The following MOB3B variants were observed in gnomAD, a reference collection of about 807,000 sequenced individuals.
The protein encoded by MOB3B is MOB kinase activator-like 2B.
Under a neutral mutation model 18.7 loss-of-function variants are expected in MOB3B, and 7 were observed. The ratio of observed to expected loss-of-function variants is 0.37; its 90% CI spans 0.21 to 0.70. The LOEUF is 0.70. Ranked by LOEUF, MOB3B falls within the 30% of genes least tolerant of loss-of-function variation. The pLI, the probability that MOB3B is intolerant of heterozygous loss-of-function variation, is 0.52. For missense variants in MOB3B, 253 were observed against 281.3 expected, an observed-to-expected ratio of 0.90 and a Z score of 0.72; for synonymous variants, 111 against 99.9, an observed-to-expected ratio of 1.11 and a Z score of -0.66.
intron 1 of MOB3B, among the ~76,000 whole-genome samples, chr9:27,489,536 GC>G (rs1819782119): frequency 2.0e-5 from 3 of 152,248 alleles, no homozygotes. Flanking sequence ...AGAGAGAAAG[GC>G]TATGTTGCTG....
chr9:27,460,650 C>G (rs1001966133), intron 1 of MOB3B, among the ~76,000 whole-genome samples: 1 of 152,086 alleles, frequency 6.6e-6, no homozygotes. Context: ...GAAGCTGATA[C>G]CAGTTGCAGG....
At chr9:27,352,071 G>A (rs1821112605) in intron 3 of MOB3B, among the ~76,000 whole-genome samples, 1 of 152,080 alleles carries the variant, frequency 6.6e-6, no homozygotes, top group Admixed American at 6.6e-5. Flanking sequence ...TTGAGAAACT[G>A]CCCATCACAT....
intron 2 of MOB3B, among the ~76,000 whole-genome samples, chr9:27,432,864 A>C (rs1587209489): frequency 6.6e-6 from 1 of 152,240 alleles, no homozygotes; most frequent in African/African-American, 2.4e-5. Context: ...CAAGGATGAC[A>C]TGAAAAGAAG....
intron 3 of MOB3B, among the ~76,000 whole-genome samples, chr9:27,331,843 T>C (rs2131329549): frequency 6.6e-6 from 1 of 152,094 alleles, no homozygotes; most frequent in Non-Finnish European, 1.5e-5. Context: ...GGAGACTGAG[T>C]GTGGGAGTGC....
rs545814456 is a variant in MOB3B, at chr9:27,466,634, T to A, written c.-198-10886A>T. ...TAATTGGACTTAGAGTTCCACATGG[T>A]TGGGGAGGCCTCAGAATCATAGTGG... On this transcript the variant is annotated intron_variant, in intron 1 of 3. Coordinates refer to ENST00000262244, the MANE Select transcript of MOB3B (RefSeq NM_024761.5). 3.3e-5 allele frequency among the ~76,000 whole-genome samples: 5 copies of A among 152,248 alleles called. No individual in the cohort carries two copies. In the East Asian group the frequency reaches 9.6e-4, roughly 29 times the overall value.
intron 2 of MOB3B, among the ~76,000 whole-genome samples, chr9:27,403,079 T>A (rs1470990923): frequency 6.6e-6 from 1 of 152,122 alleles, no homozygotes; most frequent in Non-Finnish European, 1.5e-5. Context: ...AAAAAAAAGT[T>A]TGGTATCTGG....
intron 1 of MOB3B, among the ~76,000 whole-genome samples, chr9:27,459,876 C>CAAAAAAAA (rs35792761): frequency 1.2e-5 from 1 of 86,740 alleles, no homozygotes; most frequent in Non-Finnish European, 2.3e-5. Flanking sequence ...TTTCAGTCTC[C>CAAAAAAAA]AAAAAAAAAA....
intron 1 of MOB3B, among the ~76,000 whole-genome samples, chr9:27,528,560 C>T (rs1820476434): frequency 6.6e-6 from 1 of 152,260 alleles, no homozygotes; most frequent in African/African-American, 2.4e-5. Context: ...GGGTCGGGCT[C>T]CTCCACTTTC....
At position 27,338,014 on chromosome 9, in the gene MOB3B, C is replaced by T. The variant is rs757114566; in HGVS notation, c.622-7398G>A. The stretch of plus-strand genomic sequence containing the variant: ...CACCAAGGCCCAGAAGCACCACTCT[C>T]TAATGCCTGCTGGTGTCCTCAACAG... On this transcript the variant is annotated intron_variant, in intron 3 of 3. Coordinates refer to ENST00000262244, the MANE Select transcript of MOB3B (RefSeq NM_024761.5). Among the ~76,000 whole-genome samples the T allele has an allele frequency of 6.6e-5, 10 of 152,164 alleles. 1 individual carries two copies. The highest frequency in any genetic ancestry group is 2.0e-4 in the Admixed American group (3 of 15,286).
At chr9:27,333,465 A>T (rs1381363155) in intron 3 of MOB3B, among the ~76,000 whole-genome samples, 1 of 152,144 alleles carries the variant, frequency 6.6e-6, no homozygotes, top group Non-Finnish European at 1.5e-5. Context: ...TTCCTCTCTG[A>T]GAGTGTGGCC....
intron 1 of MOB3B, among the ~76,000 whole-genome samples, chr9:27,493,833 C>G (rs895134862): frequency 2.0e-5 from 3 of 152,104 alleles, no homozygotes; most frequent in South Asian, 4.2e-4. Context: ...AATCTGGGCA[C>G]CTTGAAAAAA....
At chr9:27,375,730 G>A (rs937026957) in intron 2 of MOB3B, among the ~76,000 whole-genome samples, 13 of 152,048 alleles carry the variant, frequency 8.5e-5, no homozygotes, top group Non-Finnish European at 1.8e-4. Context: ...AAGCCCTTTT[G>A]CCCAGCACAA....
At chr9:27,342,745 G>A (rs1263096902) in intron 3 of MOB3B, among the ~76,000 whole-genome samples, 1 of 151,898 alleles carries the variant, frequency 6.6e-6, no homozygotes, top group Non-Finnish European at 1.5e-5. Flanking sequence ...CGGGATTGCA[G>A]ATGGAGTCTC....
chr9:27,376,221 A>G (rs1821487916), intron 2 of MOB3B, among the ~76,000 whole-genome samples: 1 of 152,256 alleles, frequency 6.6e-6, no homozygotes, highest in Non-Finnish European at 1.5e-5. Flanking sequence ...AGACAAAGTA[A>G]TACTTAGATG....
chr9:27,479,624 C>T (rs1331002760), intron 1 of MOB3B, among the ~76,000 whole-genome samples: 1 of 152,082 alleles, frequency 6.6e-6, no homozygotes, highest in Non-Finnish European at 1.5e-5. Flanking sequence ...TATTTATAAA[C>T]ACCCCTACTC....
At chr9:27,330,658 G>A (rs1820773318) in intron 3 of MOB3B, 42 bp from the exon 4 acceptor site, 2 of 1,613,176 alleles carry the variant, frequency 1.2e-6, no homozygotes, top group African/African-American at 2.7e-5. Flanking sequence ...GAAACTATAA[G>A]CAGAGCAACG....
intron 3 of MOB3B, among the ~76,000 whole-genome samples, chr9:27,336,599 G>A (rs896086748): frequency 2.6e-5 from 4 of 152,200 alleles, no homozygotes; most frequent in African/African-American, 7.2e-5. Flanking sequence ...AACAGCCAAC[G>A]GGTTAAAGCA....
intron 1 of MOB3B, among the ~76,000 whole-genome samples, chr9:27,506,549 T>C (rs199926427): frequency 7.6e-6 from 1 of 131,602 alleles, no homozygotes; most frequent in African/African-American, 2.7e-5. Context: ...TTTTTTTTTT[T>C]GAGACGGAGT....
chr9:27,367,452 G>A (rs1821356572), intron 2 of MOB3B, among the ~76,000 whole-genome samples: 2 of 152,236 alleles, frequency 1.3e-5, no homozygotes, highest in Non-Finnish European at 2.9e-5. Flanking sequence ...TTAGGACACT[G>A]GTGAAACGCC....
Sources: gnomAD v4.1 joint callset for allele counts (sites outside exome capture counted in the v4.1 genomes callset) on GRCh38, gnomAD v4.1.1 for gene constraint, MANE v1.5 for transcripts, NCBI Gene and HGNC (gene_info 2026-07-23, HGNC 2026-07-21) for gene names.